The following CEMIP variants were observed in gnomAD, a reference collection of about 807,000 sequenced individuals.
CEMIP encodes cell migration-inducing and hyaluronan-binding protein.
In CEMIP, 105 loss-of-function variants were observed where a neutral mutation model predicts 156.9. The ratio of observed to expected loss-of-function variants is 0.67; its 90% CI spans 0.57 to 0.79. The LOEUF (loss-of-function observed/expected upper bound fraction) is 0.79, where lower values mean the gene tolerates loss of function less well. Among genes scored for constraint, CEMIP ranks in the 30% least tolerant of loss-of-function variants. The pLI is 0.00. For synonymous variants in CEMIP, 676 were observed against 668.4 expected (o/e 1.01, Z -0.17); for missense variants, 1,457 against 1,769.4 (o/e 0.82, Z 3.17).
intron 5 of CEMIP, 77 bp downstream of exon 5, chr15:80,879,931 G>A (rs1898592561): frequency 6.5e-7 from 1 of 1,528,258 alleles, no homozygotes; most frequent in Non-Finnish European, 9.0e-7. Context: ...CAGAGAGAGA[G>A]GCAAGAGGGC....
In CEMIP at chr15:80,924,781, T is replaced by G. The variant is rs1900597689; in HGVS notation, c.2288+75T>G. 3 of 1,241,604 alleles carry G rather than the reference T, an allele frequency of 2.4e-6. No individual in the cohort carries two copies. In the South Asian group the frequency reaches 3.7e-5, roughly 15 times the overall value. The allele number at this position is 1,241,604 out of a possible 1,614,324, so 76.9% of individuals were successfully genotyped here. A position where few individuals can be genotyped will look rare whatever the true frequency, so the allele number is the denominator to read the frequency against. Reference sequence around the variant, plus strand: ...TCCTGCCTCCCCCTCCTTCAATCACTCATTCATTCCCTGAGCATCTGTTGA... The same window carrying G: ...TCCTGCCTCCCCCTCCTTCAATCACGCATTCATTCCCTGAGCATCTGTTGA... On this transcript the variant is annotated intron_variant, in intron 18 of 29. Coordinates refer to ENST00000394685, the MANE Select transcript of CEMIP (RefSeq NM_001293298.2).
chr15:80,909,514 A>G, intron 14 of CEMIP: 1 of 652,396 alleles, frequency 1.5e-6, no homozygotes, highest in South Asian at 1.5e-5. Flanking sequence ...GGTACCAAGC[A>G]GAGATGGGAG....
intron 28 of CEMIP, among the ~76,000 whole-genome samples, chr15:80,944,816 A>C (rs1901478754): frequency 6.6e-6 from 1 of 152,220 alleles, no homozygotes; most frequent in Admixed American, 6.5e-5. Context: ...GAAGCTTGGA[A>C]TAAGAAACTA....
intron 3 of CEMIP, among the ~76,000 whole-genome samples, chr15:80,877,289 A>G (rs1183312435): frequency 6.6e-6 from 1 of 152,056 alleles, no homozygotes; most frequent in African/African-American, 2.4e-5. Context: ...TGCTCAAGAG[A>G]CACCTTCTTT....
At chr15:80,921,135 G>A in intron 16 of CEMIP, 34 bp downstream of exon 16, 1 of 1,593,150 alleles carries the variant, frequency 6.3e-7, no homozygotes, top group Non-Finnish European at 8.6e-7. Flanking sequence ...GGCAGAAAGT[G>A]AGGGTGGGGG....
At chr15:80,811,076 C>T (rs1424761565) in intron 1 of CEMIP, among the ~76,000 whole-genome samples, 1 of 152,166 alleles carries the variant, frequency 6.6e-6, no homozygotes, top group Non-Finnish European at 1.5e-5. Context: ...CACCAGGATA[C>T]TAGGATAAAG....
chr15:80,844,349 C>A (rs1370959736), intron 1 of CEMIP, among the ~76,000 whole-genome samples: 3 of 152,230 alleles, frequency 2.0e-5, no homozygotes, highest in Admixed American at 2.0e-4. Flanking sequence ...GCTGGCAATG[C>A]TCAGGCGACA....
chr15:80,835,761 G>A (rs559173369), intron 1 of CEMIP, among the ~76,000 whole-genome samples: 12 of 152,156 alleles, frequency 7.9e-5, no homozygotes, highest in Non-Finnish European at 1.5e-5. Context: ...GACCTTGCAG[G>A]CTGGTGCTAT....
At chr15:80,896,163 G>A (rs1464309377) in intron 12 of CEMIP, 103 bp downstream of exon 12, 1 of 1,171,582 alleles carries the variant, frequency 8.5e-7, no homozygotes, top group Non-Finnish European at 1.3e-6. Context: ...AGCTATGGCT[G>A]TAATAATGCT....
chr15:80,797,606 A>G (rs113798931), intron 1 of CEMIP, among the ~76,000 whole-genome samples: 1,631 of 152,232 alleles, frequency 0.011, 28 homozygotes, highest in African/African-American at 0.038. Flanking sequence ...TATGAACAAA[A>G]GTTGTGTGTG....
At chr15:80,938,107 T>C (rs1901202402) in intron 25 of CEMIP, 128 bp downstream of exon 25, 1 of 783,152 alleles carries the variant, frequency 1.3e-6, no homozygotes. Context: ...TCTAGGCATT[T>C]TGACTCTAAG....
intron 1 of CEMIP, among the ~76,000 whole-genome samples, chr15:80,786,789 T>C (rs1265524845): frequency 1.3e-5 from 2 of 152,116 alleles, no homozygotes; most frequent in Non-Finnish European, 2.9e-5. Flanking sequence ...GTGAGCTTTT[T>C]GCAAAAATGG....
chr15:80,782,573 A>C (rs1895824800), intron 1 of CEMIP, among the ~76,000 whole-genome samples: 1 of 152,188 alleles, frequency 6.6e-6, no homozygotes, highest in South Asian at 2.1e-4. Flanking sequence ...ATTGTATAGT[A>C]CCCAGTCTTC....
At chr15:80,901,908 G>A (rs1448589546) in intron 12 of CEMIP, among the ~76,000 whole-genome samples, 1 of 152,146 alleles carries the variant, frequency 6.6e-6, no homozygotes, top group East Asian at 1.9e-4. Context: ...CTCCCTCAGT[G>A]AAGGCCCTTG....
At chr15:80,920,064 G>C (rs752200084) in intron 14 of CEMIP, 30 bp from the exon 15 acceptor site, 1 of 1,607,744 alleles carries the variant, frequency 6.2e-7, no homozygotes, top group Non-Finnish European at 8.5e-7. Context: ...CTGGATGCTT[G>C]GTGAAACACC....
At position 80,936,282 on chromosome 15, in the gene CEMIP, C is replaced by T. The variant is rs145109560; in HGVS notation, c.3010-392C>T. Among the ~76,000 whole-genome samples, 8 of 152,300 alleles carry T rather than the reference C, an allele frequency of 5.3e-5. No homozygotes were observed. In the Middle Eastern group the frequency reaches 0.01, roughly 194 times the overall value. On this transcript the variant is annotated intron_variant, in intron 23 of 29. Transcript: ENST00000394685. ...AGGCAGAGCAACTGCCAGTTATAGG[C>T]GAGTTGCATTTTATGGTAGAATTAA...
chr15:80,922,207 A>G (rs1900501966), intron 17 of CEMIP, 70 bp downstream of exon 17: 1 of 1,588,754 alleles, frequency 6.3e-7, no homozygotes, highest in Admixed American at 1.7e-5. Context: ...AGATGATTAG[A>G]GCCGGGACAG....
Position 80,899,472 on chromosome 15 carries a change from A to G in CEMIP, c.1411+3412A>G, listed in dbSNP as rs78253728. ...TATAGAAAAGGGAGATTTGGCAAAG[A>G]CAGATGGGCATGTGAGTCTTCCCAG... On this transcript the variant is annotated intron_variant, in intron 12 of 29. Transcript: ENST00000394685. Among the ~76,000 whole-genome samples, 652 of 152,324 alleles carry G rather than the reference A, an allele frequency of 4.3e-3. 4 individuals carry two copies. Among genetic ancestry groups the G allele is most frequent in the Non-Finnish European group, 7.2e-3 (488 of 68,026 alleles).
intron 1 of CEMIP, among the ~76,000 whole-genome samples, chr15:80,846,762 G>C (rs1309969430): frequency 6.6e-6 from 1 of 152,210 alleles, no homozygotes; most frequent in Non-Finnish European, 1.5e-5. Context: ...GAAATGAAAA[G>C]GACGCTTTCT....
Sources: allele counts gnomAD v4.1 joint callset (sites outside exome capture counted in the v4.1 genomes callset), GRCh38; gene constraint gnomAD v4.1.1; transcripts MANE v1.5; gene names NCBI Gene and HGNC (gene_info 2026-07-23, HGNC 2026-07-21).